The following AVIL variants were observed in gnomAD, a reference collection of about 807,000 sequenced individuals.
AVIL encodes advillin.
A neutral mutation model predicts 109.9 loss-of-function variants in AVIL; 78 were observed. The ratio of observed to expected loss-of-function variants is 0.71; its 90% CI spans 0.59 to 0.86. The LOEUF (loss-of-function observed/expected upper bound fraction) is 0.86. Among genes scored for constraint, AVIL ranks in the 40% least tolerant of loss-of-function variants. The probability of loss-of-function intolerance (pLI) is 0.00; values close to 1 mark genes in which losing one functional copy is unlikely to be tolerated. For missense variants in AVIL, 892 were observed against 1,016.5 expected, an observed-to-expected ratio of 0.88 and a Z score of 1.67; for synonymous variants, 367 against 379.1, an observed-to-expected ratio of 0.97 and a Z score of 0.37.
Position 57,810,403 on chromosome 12 carries a change from G to A in AVIL, c.707C>T (p.Thr236Ile). Residue 236 changes from threonine (T) to isoleucine (I), a missense_variant, in exon 7 of 20, where the codon ACA becomes ATA. Thr to Ile is a moderately conservative substitution (Grantham distance 89). Transcript: ENST00000549994. ...CTGATCTATGATCTCATCAGGGACT[G>A]TAGGCTTGATAATGGAGCGTCGGCC... is the stretch of plus-strand genomic sequence containing the variant. ...TLGRRSIIKP[T>I]VPDEIIDQKQ... The A allele has an allele frequency of 1.2e-6, 2 of 1,614,198 alleles. No homozygotes were observed. Among genetic ancestry groups the A allele is most frequent in the Non-Finnish European group, 1.7e-6 (2 of 1,180,034 alleles).
At chr12:57,815,623 G>GGT (rs1956093004) in intron 2 of AVIL, 1 of 1,308,414 alleles carries the variant, frequency 7.6e-7, no homozygotes, top group Non-Finnish European at 1.0e-6. Flanking sequence ...TGGAAGACAT[G>GGT]TTCCATTTCT....
intron 14 of AVIL, among the ~76,000 whole-genome samples, chr12:57,805,265 C>T (rs1007698818): frequency 3.3e-5 from 5 of 152,060 alleles, no homozygotes; most frequent in Non-Finnish European, 5.9e-5. Flanking sequence ...CCATGCTGGC[C>T]GGGCTGGTCT....
At chr12:57,807,220 T>C in intron 13 of AVIL, 111 bp downstream of exon 13, 1 of 1,508,746 alleles carries the variant, frequency 6.6e-7, no homozygotes, top group African/African-American at 1.4e-5. Context: ...CTCTGTCTAA[T>C]CCAAGCCTGA....
intron 19 of AVIL, among the ~76,000 whole-genome samples, chr12:57,798,620 CT>C (rs1337769787): frequency 0.012 from 1,633 of 140,508 alleles, 22 homozygotes; most frequent in African/African-American, 0.034. Flanking sequence ...CTTTTCTTTT[CT>C]TTTTTTTTTT....
intron 4 of AVIL, 139 bp downstream of exon 4, chr12:57,813,088 C>A: frequency 9.2e-7 from 1 of 1,082,270 alleles, no homozygotes; most frequent in South Asian, 1.7e-5. Flanking sequence ...GTTTAATCTG[C>A]TGCTCTAGTG....
Position 57,813,336 on chromosome 12 carries a change from T to A in AVIL, c.229A>T (p.Ile77Leu). 1.2e-6 allele frequency: 2 copies of A among 1,614,172 alleles called. No individual in the cohort carries two copies. Among genetic ancestry groups the A allele is most frequent in the Middle Eastern group, 1.6e-4 (1 of 6,062 alleles). The change falls in exon 4 of 20, where the codon ATA (isoleucine) becomes TTA (leucine). Residue 77 changes from isoleucine (I) to leucine (L), a missense_variant. Transcript: ENST00000549994. ...TAGTCGTCCAGCTGTGTGGTATATA[T>A]GGCTGCGCAGCTTTGCTCATCCTGG... is the stretch of plus-strand genomic sequence containing the variant. ...SSQDEQSCAA[I>L]YTTQLDDYLG...
rs774167069 is a variant in AVIL at position 57,810,824 on chromosome 12, G to A, written c.550C>T (p.Arg184Cys). 4 of 1,614,078 alleles carry A rather than the reference G, an allele frequency of 2.5e-6. No individual in the cohort carries two copies. Among genetic ancestry groups the A allele is most frequent in the African/African-American group, 1.3e-5 (1 of 75,026 alleles). ...AGGCTAGGAAGCCATACCTTCAGGC[G>A]CTCCCCACTGTTGCTCTCTGGGCCA... The part of the protein sequence containing the change: ...WNGPESNSGE[R>C]LKAMLLAKDI... Residue 184 changes from arginine (R) to cysteine (C), a missense_variant, in exon 6 of 20, where the codon CGC becomes TGC. Physicochemically the swap from Arg to Cys is radical, Grantham distance 180. Transcript: ENST00000549994.
At chr12:57,807,241 C>G in intron 13 of AVIL, 90 bp downstream of exon 13, 8 of 1,575,046 alleles carry the variant, frequency 5.1e-6, no homozygotes, top group Non-Finnish European at 6.1e-6. Context: ...CTCCCTACCC[C>G]ACCCCTCCTC....
intron 3 of AVIL, among the ~76,000 whole-genome samples, chr12:57,813,817 T>C (rs771786232): frequency 7.9e-5 from 12 of 152,216 alleles, no homozygotes; most frequent in South Asian, 2.1e-4. Context: ...TCCATGAGAA[T>C]AGCACTTTGA....
intron 2 of AVIL, 108 bp from the exon 3 acceptor site, chr12:57,814,334 G>C (rs1956075382): frequency 8.9e-7 from 1 of 1,127,434 alleles, no homozygotes; most frequent in African/African-American, 1.6e-5. Context: ...AGAAGGAGGG[G>C]AGATGTTCTC....
Position 57,807,386 on chromosome 12 carries a change from C to G in AVIL, c.1436G>C (p.Gly479Ala), listed in dbSNP as rs200323336. 1.1e-5 allele frequency: 17 copies of G among 1,614,096 alleles called. 1 individual carries two copies. In the Middle Eastern group the frequency reaches 4.9e-4, roughly 47 times the overall value. The stretch of plus-strand genomic sequence containing the variant: ...GGCCATGAAGTGGCGTGGCTCCGTT[C>G]CCATCCTGACTCGAACCTGCACAGC... ...GAAVQVRVRM[G>A]TEPRHFMAIF... is the part of the protein sequence containing the mutation. Residue 479 changes from glycine to alanine, a missense_variant, in exon 13 of 20, where the codon GGA (glycine) becomes GCA (alanine). By Grantham distance (60) the Gly-to-Ala change is moderately conservative. Transcript: ENST00000549994.
intron 17 of AVIL, 145 bp from the exon 18 acceptor site, chr12:57,801,357 T>G: frequency 1.6e-6 from 1 of 621,410 alleles, no homozygotes; most frequent in South Asian, 2.0e-5. Flanking sequence ...AAATCCCCCC[T>G]TTTGGGTCCA....
chr12:57,801,436 G>T (rs1326800487), intron 17 of AVIL: 4 of 381,972 alleles, frequency 1.0e-5, no homozygotes, highest in Non-Finnish European at 1.9e-5. Context: ...CTCCCAATAA[G>T]ATTTAAGAAA....
intron 2 of AVIL, 103 bp from the exon 3 acceptor site, chr12:57,814,329 G>T: frequency 1.7e-6 from 2 of 1,162,338 alleles, no homozygotes; most frequent in Non-Finnish European, 2.5e-6. Context: ...TGGGGAGAAG[G>T]AGGGGAGATG....
At chr12:57,810,258 A>G in intron 7 of AVIL, 91 bp downstream of exon 7, 4 of 1,418,656 alleles carry the variant, frequency 2.8e-6, no homozygotes, top group Non-Finnish European at 3.9e-6. Flanking sequence ...GCTACACCCA[A>G]AACAAGGAGC....
At chr12:57,801,020 A>G in intron 18 of AVIL, 124 bp downstream of exon 18, 3 of 733,446 alleles carry the variant, frequency 4.1e-6, no homozygotes, top group Non-Finnish European at 6.6e-6. Flanking sequence ...TCTTTACATC[A>G]AAACAGACAA....
chr12:57,816,060 C>T lies in AVIL; in HGVS notation c.-19-1G>A, dbSNP rs1240602653. 6.2e-7 allele frequency: 1 copy of T among 1,605,580 alleles called. No individual in the cohort carries two copies. The highest frequency in any genetic ancestry group is 1.3e-5 in the African/African-American group (1 of 74,630). ...AGGCATGATGCTTGTCTTTCCAGGA[C>T]TGAAACATCACAGAACAAGAGGGGA... On this transcript the variant is annotated splice_acceptor_variant, in intron 1 of 19. Transcript: ENST00000549994. LOFTEE classifies it low-confidence loss of function (5UTR_SPLICE).
intron 2 of AVIL, chr12:57,815,714 G>A (rs1462097138): frequency 7.2e-7 from 1 of 1,392,356 alleles, no homozygotes; most frequent in South Asian, 1.4e-5. Flanking sequence ...GACTCACTGA[G>A]CAGGTGGCTG....
At chr12:57,803,832 G>C (rs754275598) in intron 14 of AVIL, 163 bp from the exon 15 acceptor site, 130 of 989,868 alleles carry the variant, frequency 1.3e-4, no homozygotes, top group Non-Finnish European at 1.7e-4. Context: ...GCTGGGGAGT[G>C]GGGAGGAAAA....
Sources: allele counts gnomAD v4.1 joint callset (sites outside exome capture counted in the v4.1 genomes callset), GRCh38; gene constraint gnomAD v4.1.1; transcripts MANE v1.5; gene names NCBI Gene and HGNC (gene_info 2026-07-23, HGNC 2026-07-21).